Variants in RAB3C observed in about 807,000 individuals in gnomAD.
The protein encoded by RAB3C is RAB3C, member RAS oncogene family.
RAB3C carries 17 observed loss-of-function variants against 26.4 expected under a neutral mutation model. That is an observed-to-expected ratio of 0.64 (90% CI 0.44 to 0.97). RAB3C has a LOEUF of 0.97. Ranked by LOEUF, RAB3C falls within the 50% of genes least tolerant of loss-of-function variation. The pLI, the probability that RAB3C is intolerant of heterozygous loss-of-function variation, is 0.00. For synonymous variants in RAB3C, 91 were observed against 95.9 expected, an observed-to-expected ratio of 0.95 and a Z score of 0.30; for missense variants, 242 against 281.9, an observed-to-expected ratio of 0.86 and a Z score of 1.01.
intron 2 of RAB3C, among the ~76,000 whole-genome samples, chr5:58,713,407 C>A (rs954037769): frequency 6.6e-6 from 1 of 152,196 alleles, no homozygotes; most frequent in Non-Finnish European, 1.5e-5. Flanking sequence ...CGACGTTAAT[C>A]AAACAGGCCA....
At chr5:58,672,821 T>C (rs1418285589) in intron 2 of RAB3C, among the ~76,000 whole-genome samples, 3 of 152,184 alleles carry the variant, frequency 2.0e-5, no homozygotes, top group Non-Finnish European at 4.4e-5. Flanking sequence ...TGAGAAAACA[T>C]AACCTACTTA....
intron 3 of RAB3C, among the ~76,000 whole-genome samples, chr5:58,758,078 A>G (rs533909367): frequency 4.6e-5 from 7 of 152,262 alleles, no homozygotes; most frequent in African/African-American, 1.4e-4. Flanking sequence ...AGTAGCTGGG[A>G]CTACAGGTGC....
At chr5:58,784,977 T>C (rs1742346557) in intron 3 of RAB3C, among the ~76,000 whole-genome samples, 2 of 152,220 alleles carry the variant, frequency 1.3e-5, no homozygotes. Flanking sequence ...AAACTCAACA[T>C]CATGCAGCAG....
rs1744239795 is a variant in RAB3C, at chr5:58,855,531, T to C, written c.*4180T>C. 6.6e-6 allele frequency: 1 copy of C among 152,222 alleles called. No homozygotes were observed. The highest frequency in any genetic ancestry group is 2.1e-4 in the South Asian group (1 of 4,830). 9.4% of individuals were successfully genotyped at this position (152,222 alleles called of 1,614,324 possible). A position where few individuals can be genotyped will look rare whatever the true frequency, so the allele number is the denominator to read the frequency against. ...CAACTACACCCATGTGGCCTTTCTG[T>C]CACTCCCTGGAAAATGCAACCTCTA... On this transcript the variant is annotated 3_prime_UTR_variant, in exon 5 of 5. Coordinates refer to ENST00000282878, the MANE Select transcript of RAB3C (RefSeq NM_138453.4).
chr5:58,697,722 T>G (rs1748747784), intron 2 of RAB3C, among the ~76,000 whole-genome samples: 1 of 152,194 alleles, frequency 6.6e-6, no homozygotes, highest in Admixed American at 6.5e-5. Flanking sequence ...TAAAGTCTGT[T>G]TTATCCGAGA....
rs1579954570 is a variant in RAB3C at position 58,853,276 on chromosome 5, T to C, written c.*1925T>C. 1 of 152,196 alleles carries C rather than the reference T, an allele frequency of 6.6e-6. No homozygotes were observed. Among genetic ancestry groups the C allele is most frequent in the Admixed American group, 6.5e-5 (1 of 15,278 alleles). The allele number at this position is 152,196 out of a possible 1,614,324, so 9.4% of individuals were successfully genotyped here. ...TAGCAGTAGTCTGTTTGTACAATGT[T>C]ATAATATTTCTGTAACTTGGGCCAG... is the stretch of plus-strand genomic sequence containing the variant. On this transcript the variant is annotated 3_prime_UTR_variant, in exon 5 of 5. Transcript: ENST00000282878.
chr5:58,713,499 G>C (rs1158509255), intron 2 of RAB3C, among the ~76,000 whole-genome samples: 1 of 152,166 alleles, frequency 6.6e-6, no homozygotes, highest in Non-Finnish European at 1.5e-5. Context: ...ACTAGAGAAA[G>C]CTGGTCAGAA....
chr5:58,734,656 G>A (rs536140013), intron 3 of RAB3C, among the ~76,000 whole-genome samples: 1 of 152,086 alleles, frequency 6.6e-6, no homozygotes, highest in South Asian at 2.1e-4. Context: ...TGTTTCCTCC[G>A]TTGTCTTTGC....
chr5:58,661,316 C>T (rs1198571047), intron 2 of RAB3C, among the ~76,000 whole-genome samples: 1 of 149,810 alleles, frequency 6.7e-6, no homozygotes, highest in African/African-American at 2.5e-5. Flanking sequence ...AATCATGTGC[C>T]GATATCTTTT....
intron 4 of RAB3C, among the ~76,000 whole-genome samples, chr5:58,837,164 A>G (rs1027209761): frequency 6.6e-6 from 1 of 152,014 alleles, no homozygotes; most frequent in Non-Finnish European, 1.5e-5. Flanking sequence ...TGATACATTC[A>G]CTGGCCATTT....
chr5:58,730,055 C>T (rs991272957), intron 3 of RAB3C, among the ~76,000 whole-genome samples: 4 of 151,098 alleles, frequency 2.6e-5, no homozygotes, highest in Non-Finnish European at 4.4e-5. Context: ...CAGGAATTAA[C>T]GGTTGTATTC....
chr5:58,583,026 C>A, upstream of RAB3C: 1 of 1,429,052 alleles, frequency 7.0e-7, no homozygotes, highest in South Asian at 1.5e-5. Context: ...CAGGAGTGCA[C>A]GGGGCTCCTC....
At chr5:58,686,693 TAC>T (rs150468974) in intron 2 of RAB3C, among the ~76,000 whole-genome samples, 48 of 113,808 alleles carry the variant, frequency 4.2e-4, no homozygotes, top group South Asian at 3.1e-3. Context: ...CACACACACA[TAC>T]ACACACACAC....
At chr5:58,629,007 A>G (rs1747127131) in intron 2 of RAB3C, among the ~76,000 whole-genome samples, 1 of 139,838 alleles carries the variant, frequency 7.2e-6, no homozygotes, top group East Asian at 2.4e-4. Context: ...CTTGGGCAAC[A>G]TAGTGAGACC....
intron 2 of RAB3C, among the ~76,000 whole-genome samples, chr5:58,665,218 A>G (rs976090869): frequency 3.3e-5 from 5 of 151,476 alleles, no homozygotes; most frequent in African/African-American, 1.2e-4. Context: ...AATTTAATGC[A>G]CAAAAAAAAT....
At chr5:58,626,787 T>A (rs1228025843) in intron 2 of RAB3C, among the ~76,000 whole-genome samples, 1 of 152,198 alleles carries the variant, frequency 6.6e-6, no homozygotes, top group African/African-American at 2.4e-5. Context: ...GCCAAACCTA[T>A]TTAACGCCAT....
At chr5:58,642,106 A>G (rs924811575) in intron 2 of RAB3C, among the ~76,000 whole-genome samples, 1 of 152,166 alleles carries the variant, frequency 6.6e-6, no homozygotes, top group Non-Finnish European at 1.5e-5. Flanking sequence ...AGCCATTTCT[A>G]TTATCAAGCC....
intron 3 of RAB3C, among the ~76,000 whole-genome samples, chr5:58,737,411 ATATAT>A (rs1741168436): frequency 1.4e-5 from 1 of 71,272 alleles, no homozygotes; most frequent in African/African-American, 8.3e-5. Context: ...ATATATATAT[ATATAT>A]ATATATATAT....
At chr5:58,817,738 T>C (rs1213592563) in intron 3 of RAB3C, among the ~76,000 whole-genome samples, 1 of 152,194 alleles carries the variant, frequency 6.6e-6, no homozygotes, top group Non-Finnish European at 1.5e-5. Flanking sequence ...GAGGTTCTAA[T>C]TTAATGTTTC....
Sources: gnomAD v4.1 joint callset for allele counts (sites outside exome capture counted in the v4.1 genomes callset) on GRCh38, gnomAD v4.1.1 for gene constraint, MANE v1.5 for transcripts, NCBI Gene and HGNC (gene_info 2026-07-23, HGNC 2026-07-21) for gene names.